Variants in BRINP1 observed in about 807,000 individuals in gnomAD.
BRINP1 encodes the protein BMP/retinoic acid-inducible neural-specific protein 1.
In BRINP1, 17 loss-of-function variants were observed where a neutral mutation model predicts 72.9. The observed-to-expected ratio is 0.23, with a 90% CI of 0.16 to 0.35. The LOEUF is 0.35. Ranked by LOEUF, BRINP1 falls within the 10% of genes least tolerant of loss-of-function variation. BRINP1 has a pLI of 1.00. For missense variants in BRINP1, 850 were observed against 1,001.6 expected (o/e 0.85, Z 2.04); for synonymous variants, 418 against 378.5 (o/e 1.10, Z -1.21).
chr9:119,269,708 G>A lies in BRINP1; in HGVS notation c.219-20558C>T, dbSNP rs141592996. ...TTGAACAAGGTAACAGAGCCAAAAA[G>A]CAGAGGAGCCAGGAGGTTTATATAA... is the stretch of plus-strand genomic sequence containing the variant. On this transcript the variant is annotated intron_variant, in intron 2 of 7. Transcript: ENST00000265922. Among the ~76,000 whole-genome samples the A allele has an allele frequency of 3.7e-4, 56 of 152,292 alleles. 2 individuals carry two copies. The East Asian group carries it at 7.3e-3, about 20-fold the overall frequency.
chr9:119,187,201 T>C (rs926718947), intron 7 of BRINP1, among the ~76,000 whole-genome samples: 1 of 151,794 alleles, frequency 6.6e-6, no homozygotes, highest in Non-Finnish European at 1.5e-5. Flanking sequence ...ACACTGATCA[T>C]AGGACCCCAG....
chr9:119,298,204 G>A (rs1220740148), intron 2 of BRINP1, among the ~76,000 whole-genome samples: 1 of 152,168 alleles, frequency 6.6e-6, no homozygotes, highest in East Asian at 1.9e-4. Context: ...TCAGAGCAGG[G>A]AAAGGAATCC....
intron 7 of BRINP1, among the ~76,000 whole-genome samples, chr9:119,182,902 G>T (rs886094638): frequency 1.6e-4 from 24 of 152,154 alleles, no homozygotes; most frequent in African/African-American, 5.6e-4. Flanking sequence ...AAGTCAATAT[G>T]CAATGAATCT....
chr9:119,273,255 T>C (rs1830624952), intron 2 of BRINP1, among the ~76,000 whole-genome samples: 1 of 152,176 alleles, frequency 6.6e-6, no homozygotes, highest in Non-Finnish European at 1.5e-5. Flanking sequence ...GGCCTTGGAT[T>C]CTCCATCTGT....
rs539058502 is a variant in BRINP1, at chr9:119,169,748, A to G, written c.1146-1524T>C. Among the ~76,000 whole-genome samples the G allele has an allele frequency of 1.6e-4, 24 of 152,346 alleles. No homozygotes were observed. In the East Asian group the frequency reaches 3.9e-3, roughly 25 times the overall value. On this transcript the variant is annotated intron_variant, in intron 7 of 7. Coordinates refer to ENST00000265922, the MANE Select transcript of BRINP1 (RefSeq NM_014618.3). The stretch of plus-strand genomic sequence containing the variant: ...ATGTTCCTGTCTGACAGCTTTGAAG[A>G]GAGCAGTGGTTCTCCCAGCATGCAG...
intron 1 of BRINP1, among the ~76,000 whole-genome samples, chr9:119,326,525 G>T (rs895010419): frequency 1.3e-5 from 2 of 152,130 alleles, no homozygotes; most frequent in Admixed American, 6.5e-5. Flanking sequence ...GTTATGTATA[G>T]CACTTTTTTT....
At chr9:119,191,496 T>C (rs530447636) in intron 7 of BRINP1, among the ~76,000 whole-genome samples, 27 of 151,802 alleles carry the variant, frequency 1.8e-4, no homozygotes, top group Non-Finnish European at 3.5e-4. Flanking sequence ...AATAACTTAG[T>C]TGAAAAAGAA....
chr9:119,279,619 T>C (rs998695123), intron 2 of BRINP1, among the ~76,000 whole-genome samples: 1 of 152,176 alleles, frequency 6.6e-6, no homozygotes, highest in Non-Finnish European at 1.5e-5. Context: ...ATTAATTGTG[T>C]AGAAAAAGGT....
chr9:119,201,587 G>A (rs1588162529), intron 7 of BRINP1, among the ~76,000 whole-genome samples: 1 of 152,254 alleles, frequency 6.6e-6, no homozygotes, highest in East Asian at 1.9e-4. Context: ...TGCAAGGCAC[G>A]ATTTCTGTAC....
chr9:119,310,674 C>T (rs560155425), intron 2 of BRINP1, among the ~76,000 whole-genome samples: 2 of 152,152 alleles, frequency 1.3e-5, no homozygotes, highest in African/African-American at 4.8e-5. Flanking sequence ...TAAAGCTGGC[C>T]CTCTAGCATC....
rs183428739 is a variant in BRINP1, at chr9:119,236,719, A to T, written c.685+1936T>A. Among the ~76,000 whole-genome samples the T allele has an allele frequency of 9.6e-4, 146 of 152,326 alleles. 1 individual carries two copies. The highest frequency in any genetic ancestry group is 1.7e-3 in the Non-Finnish European group (116 of 68,024). On this transcript the variant is annotated intron_variant, in intron 5 of 7. Coordinates refer to ENST00000265922, the MANE Select transcript of BRINP1 (RefSeq NM_014618.3). ...GAACTAACACATTGAAAACCCTGGC[A>T]CACACAAGGAAGATCTGTCTTTCTT... is the stretch of plus-strand genomic sequence containing the variant.
intron 6 of BRINP1, among the ~76,000 whole-genome samples, chr9:119,209,864 G>T (rs752523107): frequency 2.0e-5 from 3 of 152,102 alleles, no homozygotes; most frequent in Non-Finnish European, 2.9e-5. Context: ...TTCCCCACCC[G>T]GTGATCCAGT....
chr9:119,252,839 A>G (rs967029937), intron 2 of BRINP1, among the ~76,000 whole-genome samples: 1 of 152,188 alleles, frequency 6.6e-6, no homozygotes, highest in Non-Finnish European at 1.5e-5. Flanking sequence ...CCACCAAATT[A>G]CAAGGCATGA....
chr9:119,268,297 T>TAGAC (rs1830574862), intron 2 of BRINP1, among the ~76,000 whole-genome samples: 2 of 95,210 alleles, frequency 2.1e-5, no homozygotes, highest in South Asian at 3.6e-4. Flanking sequence ...GATAGATAGA[T>TAGAC]AGATAAAAGT....
chr9:119,279,797 T>C (rs1231553462), intron 2 of BRINP1, among the ~76,000 whole-genome samples: 1 of 152,218 alleles, frequency 6.6e-6, no homozygotes, highest in Non-Finnish European at 1.5e-5. Flanking sequence ...ATTGCGTTCA[T>C]GCCAATTTAT....
Position 119,298,474 on chromosome 9 carries a change from C to A in BRINP1, c.218+14664G>T, listed in dbSNP as rs189918639. Among the ~76,000 whole-genome samples, 8 of 152,118 alleles carry A rather than the reference C, an allele frequency of 5.3e-5. No individual in the cohort carries two copies. The East Asian group carries it at 1.5e-3, about 29-fold the overall frequency. ...TTCTTTTACAGATTGAGATTTCCCC[C>A]ACCCCTCCCCTTCTTCCTTGTGTTC... On this transcript the variant is annotated intron_variant, in intron 2 of 7. Transcript: ENST00000265922.
At chr9:119,270,098 A>G (rs915098473) in intron 2 of BRINP1, among the ~76,000 whole-genome samples, 1 of 151,962 alleles carries the variant, frequency 6.6e-6, no homozygotes, top group Non-Finnish European at 1.5e-5. Flanking sequence ...TAGGGGAGTG[A>G]GCTAGGTTGG....
At chr9:119,266,170 A>C (rs1830546130) in intron 2 of BRINP1, among the ~76,000 whole-genome samples, 1 of 152,162 alleles carries the variant, frequency 6.6e-6, no homozygotes, top group Non-Finnish European at 1.5e-5. Flanking sequence ...ATGTTCCTCA[A>C]GGAGGAGAAA....
At chr9:119,216,260 C>T (rs1281027684) in intron 5 of BRINP1, among the ~76,000 whole-genome samples, 3 of 152,144 alleles carry the variant, frequency 2.0e-5, no homozygotes, top group African/African-American at 7.2e-5. Flanking sequence ...GCCTGTTGAA[C>T]CAGCATTGGT....
Sources: allele counts gnomAD v4.1 joint callset (sites outside exome capture counted in the v4.1 genomes callset), GRCh38; gene constraint gnomAD v4.1.1; transcripts MANE v1.5; gene names NCBI Gene and HGNC (gene_info 2026-07-23, HGNC 2026-07-21).